ARPP21: variants seen among roughly 807,000 people sequenced by gnomAD.
The protein encoded by ARPP21 is cAMP-regulated phosphoprotein 21.
Under a neutral mutation model 113.2 loss-of-function variants are expected in ARPP21, and 69 were observed. The ratio of observed to expected loss-of-function variants is 0.61; its 90% CI spans 0.50 to 0.74. The LOEUF (loss-of-function observed/expected upper bound fraction) is 0.74. Among genes scored for constraint, ARPP21 ranks in the 30% least tolerant of loss-of-function variants. The pLI is 0.00. For missense variants in ARPP21, 1,070 were observed against 1,037.4 expected (o/e 1.03, Z -0.43); for synonymous variants, 368 against 375.5 (o/e 0.98, Z 0.23).
At chr3:35,739,828 G>C (rs2094552445) in intron 18 of ARPP21, among the ~76,000 whole-genome samples, 1 of 152,162 alleles carries the variant, frequency 6.6e-6, no homozygotes, top group African/African-American at 2.4e-5. Flanking sequence ...CATTTTCCAG[G>C]CTGCTGGTAC....
At chr3:35,765,265 T>C (rs2095924277) in intron 19 of ARPP21, among the ~76,000 whole-genome samples, 1 of 152,174 alleles carries the variant, frequency 6.6e-6, no homozygotes, top group Admixed American at 6.6e-5. Flanking sequence ...CTAAGCAGGA[T>C]TGCCTTGCCC....
At chr3:35,719,130 A>G (rs968175702) in intron 13 of ARPP21, among the ~76,000 whole-genome samples, 1 of 151,832 alleles carries the variant, frequency 6.6e-6, no homozygotes, top group Non-Finnish European at 1.5e-5. Flanking sequence ...GAGAGAAGGG[A>G]AGACACCTGT....
At chr3:35,698,475 A>G (rs137884757) in intron 9 of ARPP21, among the ~76,000 whole-genome samples, 1 of 151,784 alleles carries the variant, frequency 6.6e-6, no homozygotes, top group African/African-American at 2.4e-5. Flanking sequence ...TGGAGTCATG[A>G]TATGTTTAAT....
At chr3:35,667,296 T>C (rs539398892) in intron 1 of ARPP21, among the ~76,000 whole-genome samples, 1 of 152,358 alleles carries the variant, frequency 6.6e-6, no homozygotes, top group East Asian at 1.9e-4. Context: ...AAACTAGTTT[T>C]ATTTAGCAAT....
chr3:35,671,451 C>T, intron 1 of ARPP21, among the ~76,000 whole-genome samples: 1 of 152,024 alleles, frequency 6.6e-6, no homozygotes, highest in East Asian at 1.9e-4. Flanking sequence ...ATATGTTGAT[C>T]TCAACACAGC....
At chr3:35,701,821 C>G (rs1486683500) in intron 9 of ARPP21, among the ~76,000 whole-genome samples, 4 of 151,046 alleles carry the variant, frequency 2.6e-5, no homozygotes, top group Non-Finnish European at 4.4e-5. Flanking sequence ...ATAATTAAAT[C>G]TGATATTTTT....
Position 35,750,790 on chromosome 3 carries a change from T to A in ARPP21, c.2137+6825T>A, listed in dbSNP as rs149582368. 1.3e-3 allele frequency among the ~76,000 whole-genome samples: 192 copies of A among 152,280 alleles called. 5 individuals carry two copies. In the East Asian group the frequency reaches 0.032, roughly 25 times the overall value. On this transcript the variant is annotated intron_variant, in intron 19 of 20. Transcript: ENST00000684406. ...TTTTTCAGACCATGCTATCTTTTAG[T>A]TCCTTTTGCAATTGAATAAGAAATG...
At chr3:35,736,158 C>T (rs564018397) in intron 15 of ARPP21, among the ~76,000 whole-genome samples, 1 of 152,154 alleles carries the variant, frequency 6.6e-6, no homozygotes, top group Non-Finnish European at 1.5e-5. Flanking sequence ...CTTGGTCCCC[C>T]TGACTCCTAA....
intron 19 of ARPP21, among the ~76,000 whole-genome samples, chr3:35,758,068 AT>A (rs1229565284): frequency 6.6e-6 from 1 of 152,124 alleles, no homozygotes; most frequent in Non-Finnish European, 1.5e-5. Context: ...TCTATTTATA[AT>A]AGCAACACAA....
intron 14 of ARPP21, among the ~76,000 whole-genome samples, chr3:35,723,341 T>C (rs1426642702): frequency 6.6e-6 from 1 of 152,226 alleles, no homozygotes; most frequent in Non-Finnish European, 1.5e-5. Flanking sequence ...TTTTCCTATA[T>C]TAGGAGAAAA....
chr3:35,761,462 A>C (rs1411962825), intron 19 of ARPP21, among the ~76,000 whole-genome samples: 2 of 152,032 alleles, frequency 1.3e-5, no homozygotes, highest in Non-Finnish European at 2.9e-5. Context: ...AGGGCTGTTT[A>C]TTTGGGAACA....
At chr3:35,671,669 G>A (rs2076377864) in intron 1 of ARPP21, among the ~76,000 whole-genome samples, 1 of 151,988 alleles carries the variant, frequency 6.6e-6, no homozygotes, top group South Asian at 2.1e-4. Context: ...GAACTGTGTG[G>A]CACTTCCTCC....
intron 5 of ARPP21, chr3:35,685,458 A>G (rs1391182850): frequency 1.0e-6 from 1 of 985,186 alleles, no homozygotes; most frequent in East Asian, 1.1e-4. Flanking sequence ...TAGAGAATAA[A>G]GAAACAGACT....
intron 9 of ARPP21, among the ~76,000 whole-genome samples, chr3:35,705,359 G>A (rs1041191794): frequency 1.3e-5 from 2 of 152,118 alleles, no homozygotes; most frequent in African/African-American, 4.8e-5. Context: ...ACTGAAACAT[G>A]TTTAATTTCT....
chr3:35,781,311 T>A (rs1157363078), intron 19 of ARPP21: 4 of 152,210 alleles, frequency 2.6e-5, no homozygotes, highest in Admixed American at 2.6e-4. Context: ...GAGTGAATGA[T>A]TTGAATCATT....
At chr3:35,644,112 A>G (rs1699258344) in intron 1 of ARPP21, among the ~76,000 whole-genome samples, 1 of 151,954 alleles carries the variant, frequency 6.6e-6, no homozygotes, top group African/African-American at 2.4e-5. Context: ...GCAGCAATGT[A>G]AGCAAATGCT....
In ARPP21 at chr3:35,715,429, T is replaced by A. The variant is rs987195041; in HGVS notation, c.898-10T>A. 1.5e-5 allele frequency: 24 copies of A among 1,612,588 alleles called. No individual in the cohort carries two copies. Among genetic ancestry groups the A allele is most frequent in the Non-Finnish European group, 2.0e-5 (23 of 1,179,042 alleles). ...AACTTCTGATCCAATGCCTTTTTTT[T>A]ATTTTTCAGTCAGTTTGCTCCCAGG... On this transcript the variant is annotated splice_polypyrimidine_tract_variant and intron_variant, in intron 11 of 20. Coordinates refer to ENST00000684406, the MANE Select transcript of ARPP21 (RefSeq NM_001385562.1).
chr3:35,744,263 C>T (rs1288278343), intron 19 of ARPP21, among the ~76,000 whole-genome samples: 1 of 152,144 alleles, frequency 6.6e-6, no homozygotes, highest in Non-Finnish European at 1.5e-5. Flanking sequence ...TAGTTCATAC[C>T]TTCTTTTAAT....
At chr3:35,670,669 C>G (rs543143454) in intron 1 of ARPP21, among the ~76,000 whole-genome samples, 1 of 151,978 alleles carries the variant, frequency 6.6e-6, no homozygotes, top group South Asian at 2.1e-4. Flanking sequence ...AACAAACACA[C>G]GCCAATTCAG....
Sources: allele counts gnomAD v4.1 joint callset (sites outside exome capture counted in the v4.1 genomes callset), GRCh38; gene constraint gnomAD v4.1.1; transcripts MANE v1.5; gene names NCBI Gene and HGNC (gene_info 2026-07-23, HGNC 2026-07-21).